The following TMEM17 variants were observed in gnomAD, a reference collection of about 807,000 sequenced individuals.
TMEM17 encodes the protein transmembrane protein 17.
TMEM17 carries 15 observed loss-of-function variants against 19.1 expected under a neutral mutation model. That is an observed-to-expected ratio of 0.78 (90% CI 0.52 to 1.21). The LOEUF (loss-of-function observed/expected upper bound fraction) is 1.21, where lower values mean the gene tolerates loss of function less well. Ranked by LOEUF, TMEM17 falls within the 50% of genes most tolerant of loss-of-function variation. TMEM17 has a pLI of 0.00. For missense variants in TMEM17, 245 were observed against 242.3 expected (o/e 1.01, Z -0.07); for synonymous variants, 103 against 86.9 (o/e 1.19, Z -1.03).
the TMEM17 span, among the ~76,000 whole-genome samples, chr2:62,483,924 C>T: frequency 6.6e-6 from 1 of 152,006 alleles, no homozygotes; most frequent in Non-Finnish European, 1.5e-5. Context: ...TGAAAGTGTT[C>T]CTTCCCATTC....
At chr2:62,495,136 C>T in the TMEM17 span, among the ~76,000 whole-genome samples, 1 of 152,188 alleles carries the variant, frequency 6.6e-6, no homozygotes, top group African/African-American at 2.4e-5. Context: ...TCTTTTCAGA[C>T]AAGAATGTTC....
the TMEM17 span, among the ~76,000 whole-genome samples, chr2:62,484,237 C>A: frequency 1.3e-5 from 2 of 152,204 alleles, no homozygotes; most frequent in Non-Finnish European, 2.9e-5. Flanking sequence ...TGGTGGGAAC[C>A]TATATCTGCG....
chr2:62,467,780 G>A, the TMEM17 span, among the ~76,000 whole-genome samples: 1 of 152,148 alleles, frequency 6.6e-6, no homozygotes, highest in Non-Finnish European at 1.5e-5. Context: ...AGACATGGAG[G>A]CCAAGTAGTC....
chr2:62,475,353 G>A, the TMEM17 span, among the ~76,000 whole-genome samples: 5 of 152,250 alleles, frequency 3.3e-5, no homozygotes, highest in Non-Finnish European at 7.3e-5. Flanking sequence ...CGGGCTCAGC[G>A]CCTCTTCGAG....
Position 62,502,457 on chromosome 2 carries a change from C to G in TMEM17, c.298G>C (p.Val100Leu), listed in dbSNP as rs770993930. ...CTTACCTTCTCCTGTAGGTTACCCA[C>G]GTAGCCCAGATACAACCGGATGGCT... ...IEAIRLYLGY[V>L]GNLQEKVPEL... The change falls in exon 3 of 4, where the codon GTG becomes CTG. Residue 100 changes from valine to leucine, a missense_variant. Val to Leu is a conservative substitution (Grantham distance 32). Transcript: ENST00000335390. The G allele has an allele frequency of 2.5e-6, 4 of 1,609,948 alleles. No homozygotes were observed. The highest frequency in any genetic ancestry group is 1.3e-5 in the African/African-American group (1 of 74,930).
Position 62,506,037 on chromosome 2 carries a change from C to A in TMEM17, c.93G>T (p.Glu31Asp). ...CGGGCCTCGGTCACTCACCCGGACC[C>A]TCATTGGACTCTGGACCGGTCCGAT... ...DSNRTGPESN[E>D]GPENEMVSSL... Residue 31 changes from glutamate to aspartate, a missense_variant, in exon 1 of 4, where the codon GAG becomes GAT. Physicochemically the swap from Glu to Asp is conservative, Grantham distance 45 (BLOSUM62 2). Transcript: ENST00000335390. 5.6e-6 allele frequency: 9 copies of A among 1,610,226 alleles called. No individual in the cohort carries two copies. The highest frequency in any genetic ancestry group is 7.6e-6 in the Non-Finnish European group (9 of 1,178,444).
chr2:62,461,304 G>C, the TMEM17 span, among the ~76,000 whole-genome samples: 1 of 152,230 alleles, frequency 6.6e-6, no homozygotes, highest in Non-Finnish European at 1.5e-5. Flanking sequence ...GGTTGGAGAT[G>C]AGTGGGACCT....
the TMEM17 span, among the ~76,000 whole-genome samples, chr2:62,470,987 G>A: frequency 6.6e-6 from 1 of 152,176 alleles, no homozygotes; most frequent in Non-Finnish European, 1.5e-5. Flanking sequence ...ACAGGCTGCT[G>A]CTTCTCAAAA....
the TMEM17 span, among the ~76,000 whole-genome samples, chr2:62,471,439 C>G: frequency 6.8e-5 from 4 of 59,128 alleles, no homozygotes; most frequent in South Asian, 1.7e-3. Flanking sequence ...GTTTCTAAGA[C>G]TGATGACTCT....
chr2:62,454,800 T>C, the TMEM17 span, among the ~76,000 whole-genome samples: 2 of 152,132 alleles, frequency 1.3e-5, no homozygotes, highest in African/African-American at 4.8e-5. Flanking sequence ...GCCTCCTGGG[T>C]TCACGCCATT....
At chr2:62,458,710 C>T in the TMEM17 span, among the ~76,000 whole-genome samples, 1 of 152,150 alleles carries the variant, frequency 6.6e-6, no homozygotes, top group African/African-American at 2.4e-5. Context: ...TAAGTTGGGC[C>T]TTCTGGTGAG....
At chr2:62,491,722 A>C in the TMEM17 span, among the ~76,000 whole-genome samples, 1 of 152,206 alleles carries the variant, frequency 6.6e-6, no homozygotes, top group Non-Finnish European at 1.5e-5. Flanking sequence ...GGAGTAAATA[A>C]GATAGCACAT....
At chr2:62,460,183 C>T in the TMEM17 span, among the ~76,000 whole-genome samples, 3 of 152,214 alleles carry the variant, frequency 2.0e-5, no homozygotes, top group East Asian at 1.9e-4. Context: ...CATCTACCAG[C>T]GCTGCTGTGA....
the TMEM17 span, among the ~76,000 whole-genome samples, chr2:62,480,073 C>T: frequency 3.9e-5 from 6 of 151,982 alleles, no homozygotes; most frequent in African/African-American, 1.5e-4. Context: ...CCAGCATTTG[C>T]TATTTTTTGT....
At chr2:62,502,663 C>A in intron 2 of TMEM17, 28 bp downstream of exon 2, 3 of 1,540,390 alleles carry the variant, frequency 1.9e-6, no homozygotes, top group South Asian at 1.2e-5. Context: ...AACGTCAGGG[C>A]AGCAAAAGTA....
At chr2:62,462,751 C>G in the TMEM17 span, among the ~76,000 whole-genome samples, 87 of 152,300 alleles carry the variant, frequency 5.7e-4, no homozygotes, top group African/African-American at 1.9e-3. Context: ...CAATAAAGCC[C>G]TAGAACGTGG....
At chr2:62,487,287 G>T in the TMEM17 span, among the ~76,000 whole-genome samples, 2 of 152,140 alleles carry the variant, frequency 1.3e-5, no homozygotes, top group African/African-American at 2.4e-5. Context: ...GTCATAGCTG[G>T]TCGGGCCTTT....
the TMEM17 span, among the ~76,000 whole-genome samples, chr2:62,468,747 T>G: frequency 6.6e-6 from 1 of 152,244 alleles, no homozygotes; most frequent in African/African-American, 2.4e-5. Flanking sequence ...CTTGTATTTG[T>G]GTTTGCCAGC....
chr2:62,500,952 A>AT lies in TMEM17; in HGVS notation c.*256_*257insA. 5.9e-6 allele frequency: 2 copies of AT among 338,238 alleles called. No homozygotes were observed. Among genetic ancestry groups the AT allele is most frequent in the South Asian group, 7.8e-5 (1 of 12,888 alleles). 21.0% of individuals were successfully genotyped at this position (338,238 alleles called of 1,614,324 possible). A position where few individuals can be genotyped will look rare whatever the true frequency, so the allele number is the denominator to read the frequency against. ...GACAACCACCAATACATAGATTTCT[A>AT]CACTCCTGAAAAAGACAACAACATC... On this transcript the variant is annotated 3_prime_UTR_variant, in exon 4 of 4. Coordinates refer to ENST00000335390, the MANE Select transcript of TMEM17 (RefSeq NM_198276.3).
Sources: allele counts gnomAD v4.1 joint callset (sites outside exome capture counted in the v4.1 genomes callset), GRCh38; gene constraint gnomAD v4.1.1; transcripts MANE v1.5; gene names NCBI Gene and HGNC (gene_info 2026-07-23, HGNC 2026-07-21).